OPCML: variants seen among roughly 807,000 people sequenced by gnomAD.
OPCML encodes opioid-binding protein/cell adhesion molecule.
OPCML carries 13 observed loss-of-function variants against 37.8 expected under a neutral mutation model. The observed-to-expected ratio is 0.34, with a 90% CI of 0.22 to 0.55. The LOEUF is 0.55. Ranked by LOEUF, OPCML falls within the 20% of genes least tolerant of loss-of-function variation. The pLI is 0.91. For synonymous variants in OPCML, 176 were observed against 168.8 expected (o/e 1.04, Z -0.33); for missense variants, 341 against 435.6 (o/e 0.78, Z 1.93).
chr11:132,590,360 A>T lies in OPCML; in HGVS notation c.380-61174T>A, dbSNP rs1399688889. The stretch of plus-strand genomic sequence containing the variant: ...ACAAAGGTGCCTCCCCCAGGACCAC[A>T]TCTACACAGTAGTGTGTAGTACAGT... On this transcript the variant is annotated intron_variant, in intron 3 of 7. Coordinates refer to ENST00000524381, the MANE Select transcript of OPCML (RefSeq NM_001012393.5). Among the ~76,000 whole-genome samples, 4 of 152,002 alleles carry T rather than the reference A, an allele frequency of 2.6e-5. No individual in the cohort carries two copies. In the South Asian group the frequency reaches 6.2e-4, roughly 24 times the overall value.
At chr11:133,449,258 G>A (rs569759803) in intron 1 of OPCML, among the ~76,000 whole-genome samples, 1 of 152,296 alleles carries the variant, frequency 6.6e-6, no homozygotes, top group South Asian at 2.1e-4. Flanking sequence ...CAAAAGGACA[G>A]AGAGTAAATA....
chr11:133,184,865 C>G (rs78173704), intron 1 of OPCML, among the ~76,000 whole-genome samples: 1 of 152,076 alleles, frequency 6.6e-6, no homozygotes. Context: ...AATAGAGAAC[C>G]GTTTCCCGCA....
At chr11:132,856,057 T>C (rs1225919733) in intron 2 of OPCML, among the ~76,000 whole-genome samples, 3 of 152,214 alleles carry the variant, frequency 2.0e-5, no homozygotes, top group African/African-American at 7.2e-5. Context: ...GTGCTTTGAC[T>C]ATAAGACACT....
chr11:132,552,631 C>T lies in OPCML; in HGVS notation c.380-23445G>A, dbSNP rs79987845. Among the ~76,000 whole-genome samples, 115 of 152,218 alleles carry T rather than the reference C, an allele frequency of 7.6e-4. No homozygotes were observed. The East Asian group carries it at 0.018, about 24-fold the overall frequency. Reference sequence around the variant, plus strand: ...TTATGGACATAGCTATTATTCCCTGCGTCTAGAACATATTTATCTACTTTC... The same window carrying T: ...TTATGGACATAGCTATTATTCCCTGTGTCTAGAACATATTTATCTACTTTC... On this transcript the variant is annotated intron_variant, in intron 3 of 7. Transcript: ENST00000524381.
intron 1 of OPCML, among the ~76,000 whole-genome samples, chr11:133,482,796 A>G (rs1041247690): frequency 1.3e-5 from 2 of 152,176 alleles, no homozygotes; most frequent in Non-Finnish European, 2.9e-5. Flanking sequence ...AAAAATTAAA[A>G]TGATGAGGGT....
chr11:133,389,990 A>T (rs767985108), intron 1 of OPCML, among the ~76,000 whole-genome samples: 5 of 152,248 alleles, frequency 3.3e-5, no homozygotes, highest in Non-Finnish European at 1.5e-5. Flanking sequence ...GCATGAGAGC[A>T]TCTCCTGTGA....
intron 1 of OPCML, among the ~76,000 whole-genome samples, chr11:133,352,592 T>C (rs1458584017): frequency 6.6e-6 from 1 of 152,252 alleles, no homozygotes; most frequent in African/African-American, 2.4e-5. Context: ...ATAGGGAATC[T>C]TTCTGAGGAT....
At position 133,227,150 on chromosome 11, in the gene OPCML, T is replaced by C. The variant is rs536066854; in HGVS notation, c.62-284140A>G. ...TGTGCTGCTGCCTCAGCTGAGTGGA[T>C]ACCAATGGCCCCGGAGGGATCCTGT... On this transcript the variant is annotated intron_variant, in intron 1 of 7. Coordinates refer to ENST00000524381, the MANE Select transcript of OPCML (RefSeq NM_001012393.5). Among the ~76,000 whole-genome samples the C allele has an allele frequency of 1.2e-4, 18 of 152,240 alleles. No homozygotes were observed. The East Asian group carries it at 3.3e-3, about 28-fold the overall frequency.
intron 3 of OPCML, among the ~76,000 whole-genome samples, chr11:132,549,861 T>C (rs976142565): frequency 6.6e-6 from 1 of 152,180 alleles, no homozygotes; most frequent in African/African-American, 2.4e-5. Flanking sequence ...GCCCACCTCC[T>C]CAAACCTGAC....
chr11:133,035,611 C>T (rs1350787140), intron 1 of OPCML, among the ~76,000 whole-genome samples: 1 of 152,110 alleles, frequency 6.6e-6, no homozygotes, highest in East Asian at 1.9e-4. Context: ...TCTTTCACGC[C>T]CTATTCTTGG....
intron 1 of OPCML, among the ~76,000 whole-genome samples, chr11:133,214,211 AT>A (rs1939492971): frequency 6.6e-6 from 1 of 152,172 alleles, no homozygotes; most frequent in Non-Finnish European, 1.5e-5. Context: ...GTTATTTCAG[AT>A]TATGAAGGTT....
intron 1 of OPCML, among the ~76,000 whole-genome samples, chr11:133,121,412 G>A (rs1382672062): frequency 6.6e-6 from 1 of 152,154 alleles, no homozygotes; most frequent in Admixed American, 6.6e-5. Context: ...TATTCGTTAC[G>A]ATAGATAAAA....
At chr11:132,931,419 T>C (rs914548579) in intron 2 of OPCML, among the ~76,000 whole-genome samples, 1 of 152,200 alleles carries the variant, frequency 6.6e-6, no homozygotes, top group Non-Finnish European at 1.5e-5. Flanking sequence ...GTGAGTCATA[T>C]ATCTGATAAG....
intron 1 of OPCML, among the ~76,000 whole-genome samples, chr11:133,294,713 T>C (rs1214573085): frequency 1.3e-5 from 2 of 150,848 alleles, no homozygotes; most frequent in Non-Finnish European, 2.9e-5. Flanking sequence ...GTCTGCGGGA[T>C]GCCACACCAA....
intron 4 of OPCML, among the ~76,000 whole-genome samples, chr11:132,516,329 T>C (rs2096279666): frequency 6.6e-6 from 1 of 152,194 alleles, no homozygotes; most frequent in South Asian, 2.1e-4. Context: ...TCCTTCACTC[T>C]GTACATCAGA....
intron 2 of OPCML, among the ~76,000 whole-genome samples, chr11:132,888,111 G>A (rs1327943756): frequency 6.6e-6 from 1 of 152,138 alleles, no homozygotes; most frequent in African/African-American, 2.4e-5. Context: ...AAGAGAAGAG[G>A]GGAGGCACAA....
At chr11:132,792,647 G>A (rs1937999756) in intron 2 of OPCML, among the ~76,000 whole-genome samples, 1 of 152,170 alleles carries the variant, frequency 6.6e-6, no homozygotes, top group African/African-American at 2.4e-5. Flanking sequence ...GGAGAAGCAG[G>A]CCAGGATGGA....
intron 1 of OPCML, among the ~76,000 whole-genome samples, chr11:133,041,280 T>C (rs1037090776): frequency 1.3e-5 from 2 of 152,220 alleles, no homozygotes; most frequent in Admixed American, 6.5e-5. Context: ...GGCTACAGCT[T>C]TGGCCCACAG....
At chr11:132,538,880 C>T (rs1490043519) in intron 3 of OPCML, among the ~76,000 whole-genome samples, 1 of 152,100 alleles carries the variant, frequency 6.6e-6, no homozygotes. Flanking sequence ...TCCTTCTGCC[C>T]ATGTGCCATA....
Sources: gnomAD v4.1 joint callset for allele counts (sites outside exome capture counted in the v4.1 genomes callset) on GRCh38, gnomAD v4.1.1 for gene constraint, MANE v1.5 for transcripts, NCBI Gene and HGNC (gene_info 2026-07-23, HGNC 2026-07-21) for gene names.